GRB14: variants seen among roughly 807,000 people sequenced by gnomAD.
The protein encoded by GRB14 is growth factor receptor-bound protein 14.
A neutral mutation model predicts 69.1 loss-of-function variants in GRB14; 38 were observed. The observed-to-expected ratio is 0.55, with a 90% CI of 0.42 to 0.72. The LOEUF (loss-of-function observed/expected upper bound fraction) is 0.72. GRB14 is among the 30% of genes least tolerant of loss of function. The pLI, the probability that GRB14 is intolerant of heterozygous loss-of-function variation, is 0.00. For synonymous variants in GRB14, 247 were observed against 241.3 expected, an observed-to-expected ratio of 1.02 and a Z score of -0.22; for missense variants, 666 against 666.1, an observed-to-expected ratio of 1.00 and a Z score of 0.00.
intron 6 of GRB14, among the ~76,000 whole-genome samples, chr2:164,509,749 A>C (rs1255052466): frequency 6.7e-6 from 1 of 148,544 alleles, no homozygotes; most frequent in East Asian, 2.0e-4. Context: ...CATTTTAACA[A>C]GATCCCAGGT....
chr2:164,504,589 C>T (rs1687142867), intron 8 of GRB14, among the ~76,000 whole-genome samples: 1 of 152,112 alleles, frequency 6.6e-6, no homozygotes, highest in Admixed American at 6.6e-5. Flanking sequence ...ATGTCTCTTT[C>T]CTGTTTGGGT....
At chr2:164,585,068 C>A (rs1689503794) in intron 2 of GRB14, among the ~76,000 whole-genome samples, 1 of 131,166 alleles carries the variant, frequency 7.6e-6, no homozygotes, top group African/African-American at 2.8e-5. Flanking sequence ...TCAGCCCCTT[C>A]ATACCACCAT....
At chr2:164,556,395 A>G (rs1428713026) in intron 2 of GRB14, among the ~76,000 whole-genome samples, 2 of 152,206 alleles carry the variant, frequency 1.3e-5, no homozygotes, top group African/African-American at 4.8e-5. Context: ...GAGCATGAAC[A>G]GTACATGTTA....
intron 3 of GRB14, among the ~76,000 whole-genome samples, chr2:164,544,884 T>A (rs1688332087): frequency 6.6e-6 from 1 of 152,216 alleles, no homozygotes; most frequent in South Asian, 2.1e-4. Context: ...GTTCAGGGAA[T>A]GCATGTAGTG....
intron 2 of GRB14, among the ~76,000 whole-genome samples, chr2:164,570,455 T>C (rs1165090216): frequency 6.6e-6 from 1 of 152,112 alleles, no homozygotes; most frequent in Non-Finnish European, 1.5e-5. Flanking sequence ...TGTCTCATAG[T>C]GGAATAGAGA....
At chr2:164,543,198 G>A (rs1415623628) in intron 3 of GRB14, among the ~76,000 whole-genome samples, 1 of 152,038 alleles carries the variant, frequency 6.6e-6, no homozygotes, top group Non-Finnish European at 1.5e-5. Context: ...CTACTCTGAA[G>A]GCTGATGCAC....
At chr2:164,503,839 A>T (rs1009444346) in intron 8 of GRB14, among the ~76,000 whole-genome samples, 36 of 152,182 alleles carry the variant, frequency 2.4e-4, no homozygotes, top group African/African-American at 8.2e-4. Flanking sequence ...TGTTTTCTTC[A>T]AAGATATATT....
rs185970512 is a variant in GRB14 at position 164,604,842 on chromosome 2, T to C, written c.324+14845A>G. On this transcript the variant is annotated intron_variant, in intron 2 of 13. Transcript: ENST00000263915. ...ATACAAACAGAATGCAGATTTGTGG[T>C]TGCGAGGGGCCGAGACGGAGAAGAG... Among the ~76,000 whole-genome samples the C allele has an allele frequency of 4.3e-3, 651 of 152,282 alleles. 8 individuals carry two copies. Among genetic ancestry groups the C allele is most frequent in the African/African-American group, 0.014 (602 of 41,550 alleles).
chr2:164,585,896 A>G (rs1465132204), intron 2 of GRB14, among the ~76,000 whole-genome samples: 3 of 152,330 alleles, frequency 2.0e-5, no homozygotes, highest in Non-Finnish European at 2.9e-5. Flanking sequence ...CATGACTACA[A>G]TGCATCCAGT....
intron 2 of GRB14, among the ~76,000 whole-genome samples, chr2:164,553,993 T>C (rs1688612960): frequency 1.3e-5 from 2 of 152,018 alleles, no homozygotes; most frequent in South Asian, 4.1e-4. Context: ...AAAAGACAAC[T>C]GAAGCCTTAA....
chr2:164,553,501 T>A (rs955477882), intron 2 of GRB14, among the ~76,000 whole-genome samples: 1 of 152,214 alleles, frequency 6.6e-6, no homozygotes, highest in Non-Finnish European at 1.5e-5. Context: ...CTCACACTTA[T>A]CCAAAATACA....
intron 2 of GRB14, among the ~76,000 whole-genome samples, chr2:164,586,653 A>G (rs1461404954): frequency 6.6e-6 from 1 of 152,214 alleles, no homozygotes; most frequent in Non-Finnish European, 1.5e-5. Context: ...TACCTTGAGG[A>G]AGACCAGAGT....
intron 2 of GRB14, among the ~76,000 whole-genome samples, chr2:164,605,048 T>C (rs1347642999): frequency 6.6e-6 from 1 of 152,202 alleles, no homozygotes; most frequent in Non-Finnish European, 1.5e-5. Flanking sequence ...TTTTATCTCC[T>C]TAATAAAAAC....
Position 164,595,919 on chromosome 2 carries a change from A to T in GRB14, c.324+23768T>A, listed in dbSNP as rs560442247. Reference sequence around the variant, plus strand: ...GGCGGGCGAATGACAAGATCAGGAGATCGAGACCATCCTGGCCAACATGGT... The same window carrying T: ...GGCGGGCGAATGACAAGATCAGGAGTTCGAGACCATCCTGGCCAACATGGT... On this transcript the variant is annotated intron_variant, in intron 2 of 13. Coordinates refer to ENST00000263915, the MANE Select transcript of GRB14 (RefSeq NM_004490.3). Among the ~76,000 whole-genome samples, 8 of 152,212 alleles carry T rather than the reference A, an allele frequency of 5.3e-5. No homozygotes were observed. In the South Asian group the frequency reaches 1.5e-3, roughly 28 times the overall value.
At chr2:164,521,923 G>A in intron 6 of GRB14, 57 bp downstream of exon 6, 1 of 1,448,460 alleles carries the variant, frequency 6.9e-7, no homozygotes, top group Non-Finnish European at 9.5e-7. Context: ...AAGTCAACGT[G>A]TTTTAACTTA....
Position 164,493,142 on chromosome 2 carries a change from C to T in GRB14, c.1517G>A (p.Gly506Asp), listed in dbSNP as rs1258136094. 10 of 1,613,382 alleles carry T rather than the reference C, an allele frequency of 6.2e-6. No individual in the cohort carries two copies. Among genetic ancestry groups the T allele is most frequent in the Non-Finnish European group, 7.6e-6 (9 of 1,179,624 alleles). ...TATTAGATCTGTAAATCTTGTGTGGCCATCATCCAGTGTGTGGAACATTTC... is the reference window on the plus strand; with the variant it reads ...TATTAGATCTGTAAATCTTGTGTGGTCATCATCCAGTGTGTGGAACATTTC... The part of the protein sequence containing the change: ...DGEMFHTLDD[G>D]HTRFTDLIQL... Residue 506 changes from glycine to aspartate, a missense_variant, in exon 14 of 14, where the codon GGC becomes GAC. Coordinates refer to ENST00000263915, the MANE Select transcript of GRB14 (RefSeq NM_004490.3).
At chr2:164,591,978 C>A (rs984199019) in intron 2 of GRB14, among the ~76,000 whole-genome samples, 1 of 152,064 alleles carries the variant, frequency 6.6e-6, no homozygotes, top group Admixed American at 6.6e-5. Context: ...AGGGGAAACC[C>A]CTTTTGCTTG....
At chr2:164,521,675 A>G (rs1327404487) in intron 6 of GRB14, among the ~76,000 whole-genome samples, 1 of 152,144 alleles carries the variant, frequency 6.6e-6, no homozygotes, top group Non-Finnish European at 1.5e-5. Context: ...TATACACTAC[A>G]TCAGGCTTCA....
At chr2:164,494,791 C>T (rs1486173733) in intron 12 of GRB14, among the ~76,000 whole-genome samples, 2 of 152,126 alleles carry the variant, frequency 1.3e-5, no homozygotes, top group African/African-American at 4.8e-5. Context: ...ATAAACAATA[C>T]ACTGTTATGT....
Sources: allele counts gnomAD v4.1 joint callset (sites outside exome capture counted in the v4.1 genomes callset), GRCh38; gene constraint gnomAD v4.1.1; transcripts MANE v1.5; gene names NCBI Gene and HGNC (gene_info 2026-07-23, HGNC 2026-07-21).